RPL3L: variants seen among roughly 807,000 people sequenced by gnomAD.
The protein encoded by RPL3L is ribosomal protein uL3-like.
In RPL3L, 44 loss-of-function variants were observed where a neutral mutation model predicts 44.5. The ratio of observed to expected loss-of-function variants is 0.99; its 90% CI spans 0.78 to 1.27. RPL3L has a LOEUF of 1.27. Among genes scored for constraint, RPL3L ranks in the 50% most tolerant of loss-of-function variants. The pLI is 0.00. For missense variants in RPL3L, 631 were observed against 569.1 expected (o/e 1.11, Z -1.11); for synonymous variants, 292 against 230.7 (o/e 1.27, Z -2.41).
chr16:1,945,919 G>C lies in RPL3L; in HGVS notation c.963C>G (p.Pro321=). Residue 321 remains proline, a synonymous_variant, in exon 8 of 10, where the codon CCC becomes CCG. Transcript: ENST00000268661. The part of the protein sequence containing the change: ...AKSITPLGGF[P]HYGEVNNDFV... ...AGTCGTTGTTCACTTCCCCGTAGTG[G>C]GGGAAGCCACCCTGCAGAGGACACA... The C allele has an allele frequency of 1.2e-6, 2 of 1,611,688 alleles. No homozygotes were observed. The highest frequency in any genetic ancestry group is 1.7e-6 in the Non-Finnish European group (2 of 1,178,868).
chr16:1,953,032 T>C lies in RPL3L; in HGVS notation c.207A>G (p.Lys69=). 1 of 1,595,784 alleles carries C rather than the reference T, an allele frequency of 6.3e-7. No individual in the cohort carries two copies. The highest frequency in any genetic ancestry group is 8.5e-7 in the Non-Finnish European group (1 of 1,170,878). The change falls in exon 3 of 10, where the codon AAA becomes AAG. Residue 69 remains lysine (K), a synonymous_variant. Transcript: ENST00000268661. ...EVHRPGLKIS[K]REEVEAVTIV... The stretch of plus-strand genomic sequence containing the variant: ...TTGTCACCGCCTCCACCTCCTCCCG[T>C]TTGGAAATTTCTGGATGAGACACAG...
intron 9 of RPL3L, 46 bp downstream of exon 9, chr16:1,945,453 G>C: frequency 6.3e-7 from 1 of 1,581,096 alleles, no homozygotes; most frequent in South Asian, 1.1e-5. Flanking sequence ...GCTGGATGTG[G>C]AGCTGGAGCC....
intron 3 of RPL3L, among the ~76,000 whole-genome samples, chr16:1,952,050 G>C (rs1292810663): frequency 6.6e-6 from 1 of 151,946 alleles, no homozygotes; most frequent in Non-Finnish European, 1.5e-5. Context: ...CCAGGCTCAA[G>C]CGATTCTCCT....
At chr16:1,948,079 A>G (rs2083138641) in intron 4 of RPL3L, among the ~76,000 whole-genome samples, 1 of 151,220 alleles carries the variant, frequency 6.6e-6, no homozygotes, top group Non-Finnish European at 1.5e-5. Context: ...CTGGGACTAC[A>G]GGTGCCCGCC....
At chr16:1,948,217 G>T (rs2754183) in intron 4 of RPL3L, among the ~76,000 whole-genome samples, 1 of 150,306 alleles carries the variant, frequency 6.7e-6, no homozygotes, top group Admixed American at 6.6e-5. Flanking sequence ...GATTACAGGC[G>T]TGAGCCACCA....
intron 8 of RPL3L, 47 bp downstream of exon 8, chr16:1,945,788 T>A: frequency 1.2e-6 from 2 of 1,610,494 alleles, no homozygotes; most frequent in Non-Finnish European, 1.7e-6. Flanking sequence ...CAGGACAGGC[T>A]GGCAGCCCTC....
At chr16:1,951,728 T>TAA (rs1416930444) in intron 3 of RPL3L, among the ~76,000 whole-genome samples, 4 of 55,726 alleles carry the variant, frequency 7.2e-5, no homozygotes, top group African/African-American at 3.2e-4. Context: ...GAGGTGGACA[T>TAA]TATTATTATT....
intron 4 of RPL3L, 47 bp from the exon 5 acceptor site, chr16:1,947,427 C>A: frequency 6.8e-7 from 1 of 1,477,204 alleles, no homozygotes; most frequent in Non-Finnish European, 9.0e-7. Context: ...GGGATCACAC[C>A]CCCACCTGAA....
At chr16:1,948,139 G>A (rs1242464822) in intron 4 of RPL3L, among the ~76,000 whole-genome samples, 1 of 151,802 alleles carries the variant, frequency 6.6e-6, no homozygotes, top group African/African-American at 2.4e-5. Flanking sequence ...GGGTTTCACT[G>A]TGTTGGCCCG....
Position 1,947,217 on chromosome 16 carries a change from A to T in RPL3L, c.665T>A (p.Val222Asp). ...ACCTTTGACGCCTCGACCCTTGGTG[A>T]CAGCAATGACATCAATGACCTCACT... The part of the protein sequence containing the change: ...SQSEVIDVIA[V>D]TKGRGVKGVT... Residue 222 changes from valine (V) to aspartate (D), a missense_variant, in exon 5 of 10, where the codon GTC becomes GAC. Val to Asp is a radical substitution (Grantham distance 152, BLOSUM62 -3). Transcript: ENST00000268661. The T allele has an allele frequency of 6.2e-7, 1 of 1,612,830 alleles. No homozygotes were observed. Among genetic ancestry groups the T allele is most frequent in the Non-Finnish European group, 8.5e-7 (1 of 1,179,260 alleles).
At chr16:1,952,029 A>G (rs889505080) in intron 3 of RPL3L, among the ~76,000 whole-genome samples, 1 of 151,792 alleles carries the variant, frequency 6.6e-6, no homozygotes, top group African/African-American at 2.4e-5. Flanking sequence ...GCTCACTACA[A>G]TCTCCACCTC....
At position 1,946,920 on chromosome 16, in the gene RPL3L, C is replaced by A. The variant is rs750706495; in HGVS notation, c.849+18G>T. The A allele has an allele frequency of 5.7e-6, 9 of 1,590,568 alleles. No homozygotes were observed. The East Asian group carries it at 9.0e-5, about 16-fold the overall frequency. ...GGTCCGACCACACAGTGTCCCCGTA[C>A]CCCGGCTGAGGACGCACCTTCTTGT... On this transcript the variant is annotated intron_variant, in intron 6 of 9. Coordinates refer to ENST00000268661, the MANE Select transcript of RPL3L (RefSeq NM_005061.3).
In RPL3L at chr16:1,944,101, GC is replaced by G. The variant is rs1157249486; in HGVS notation, c.*735del. 2 of 152,216 alleles carry G rather than the reference GC, an allele frequency of 1.3e-5. No homozygotes were observed. Among genetic ancestry groups the G allele is most frequent in the African/African-American group, 2.4e-5 (1 of 41,436 alleles). 9.4% of individuals were successfully genotyped at this position (152,216 alleles called of 1,614,324 possible). A position where few individuals can be genotyped will look rare whatever the true frequency, so the allele number is the denominator to read the frequency against. The stretch of plus-strand genomic sequence containing the variant: ...TGGGATTACAGGCGTGAGCCACCGC[GC>G]CCAGCCAGTTTATAGTTTAAAACAA... On this transcript the variant is annotated 3_prime_UTR_variant, in exon 10 of 10. Transcript: ENST00000268661.
rs758776913 is a variant in RPL3L, at chr16:1,952,933, G to C, written c.306C>G (p.Phe102Leu). ...TGAGGTGTTCTGCAAAGATGGTCTT[G>C]AAGCTCCGGAGACCTCGAGGGGTGG... Reference protein sequence around the residue: ...YVATPRGLRSFKTIFAEHLSD... With the variant: ...YVATPRGLRSLKTIFAEHLSD... Residue 102 changes from phenylalanine to leucine, a missense_variant, in exon 3 of 10, where the codon TTC (phenylalanine) becomes TTG (leucine). Coordinates refer to ENST00000268661, the MANE Select transcript of RPL3L (RefSeq NM_005061.3). 3.0e-5 allele frequency: 49 copies of C among 1,613,876 alleles called. No homozygotes were observed. The highest frequency in any genetic ancestry group is 4.1e-5 in the Non-Finnish European group (48 of 1,180,004).
intron 1 of RPL3L, 145 bp downstream of exon 1, chr16:1,954,484 C>T (rs770859417): frequency 1.6e-5 from 15 of 958,214 alleles, no homozygotes; most frequent in Non-Finnish European, 2.1e-5. Flanking sequence ...GCCCAGCCCT[C>T]GTCCCCTTGT....
At chr16:1,953,098 AG>A in intron 2 of RPL3L, 56 bp from the exon 3 acceptor site, 1 of 1,527,778 alleles carries the variant, frequency 6.5e-7, no homozygotes, top group African/African-American at 1.4e-5. Context: ...CCTGTGGGGG[AG>A]GGAGTGGAGA....
At chr16:1,945,738 T>C in intron 8 of RPL3L, 97 bp downstream of exon 8, 1 of 1,603,430 alleles carries the variant, frequency 6.2e-7, no homozygotes, top group Non-Finnish European at 8.5e-7. Context: ...CCTCCCCTTC[T>C]GCTCCCACCA....
intron 4 of RPL3L, among the ~76,000 whole-genome samples, chr16:1,947,944 T>C (rs1253912779): frequency 6.3e-5 from 9 of 143,620 alleles, no homozygotes; most frequent in African/African-American, 1.1e-4. Flanking sequence ...TTGGATTTTT[T>C]TTTTTTTTTT....
chr16:1,947,098 CCT>C lies in RPL3L; in HGVS notation c.689-2_689-1del, dbSNP rs1389603749. 3 of 1,613,448 alleles carry C rather than the reference CCT, an allele frequency of 1.9e-6. No homozygotes were observed. In the African/African-American group the frequency reaches 4.0e-5, roughly 22 times the overall value. On this transcript the variant is annotated splice_acceptor_variant, in intron 5 of 9. Transcript: ENST00000268661. LOFTEE classifies it high-confidence loss of function. ...CTTGGTATGCCAGCGGCTTGTGACC[CCT>C]GTGAGTGAGAGGGGCTGGTGGCTGA...
Sources: allele counts gnomAD v4.1 joint callset (sites outside exome capture counted in the v4.1 genomes callset), GRCh38; gene constraint gnomAD v4.1.1; transcripts MANE v1.5; gene names NCBI Gene and HGNC (gene_info 2026-07-23, HGNC 2026-07-21).